The following GSKIP variants were observed in gnomAD, a reference collection of about 807,000 sequenced individuals.
GSKIP encodes GSK3B-interacting protein.
GSKIP carries 5 observed loss-of-function variants against 11.9 expected under a neutral mutation model. The ratio of observed to expected loss-of-function variants is 0.42; its 90% confidence interval spans 0.22 to 0.89. The LOEUF is 0.89. Ranked by LOEUF, GSKIP falls within the 40% of genes least tolerant of loss-of-function variation. The probability of loss-of-function intolerance (pLI) is 0.29; values close to 1 mark genes in which losing one functional copy is unlikely to be tolerated. For synonymous variants in GSKIP, 70 were observed against 62.9 expected, an observed-to-expected ratio of 1.11 and a Z score of -0.54; for missense variants, 150 against 166.6, an observed-to-expected ratio of 0.90 and a Z score of 0.55.
intron 2 of GSKIP, among the ~76,000 whole-genome samples, chr14:96,381,009 T>C (rs528629082): frequency 3.9e-5 from 6 of 152,334 alleles, no homozygotes; most frequent in African/African-American, 1.4e-4. Flanking sequence ...AGAGTTATGC[T>C]TCATTCACGA....
intron 1 of GSKIP, among the ~76,000 whole-genome samples, chr14:96,371,798 G>A (rs1045219629): frequency 5.3e-5 from 8 of 152,136 alleles, no homozygotes; most frequent in Non-Finnish European, 7.4e-5. Flanking sequence ...AACTGAAGTG[G>A]AAAGAGTTGC....
chr14:96,378,273 G>A (rs1889255546), intron 1 of GSKIP, among the ~76,000 whole-genome samples: 1 of 152,094 alleles, frequency 6.6e-6, no homozygotes, highest in African/African-American at 2.4e-5. Context: ...AGGATCATTT[G>A]AGCCTGAGAT....
intron 1 of GSKIP, among the ~76,000 whole-genome samples, chr14:96,368,560 T>G (rs552386198): frequency 1.3e-5 from 2 of 152,366 alleles, no homozygotes; most frequent in South Asian, 4.1e-4. Flanking sequence ...ACAAAAGCAC[T>G]GCTGTGGTTT....
chr14:96,384,964 A>C (rs1243905985), intron 3 of GSKIP: 1 of 152,164 alleles, frequency 6.6e-6, no homozygotes, highest in Non-Finnish European at 1.5e-5. Flanking sequence ...TAAACTATTA[A>C]ACCAATTATT....
In GSKIP at chr14:96,385,745, A is replaced by C; in HGVS notation, c.*61A>C. 7.6e-7 allele frequency: 1 copy of C among 1,315,496 alleles called. No individual in the cohort carries two copies. The highest frequency in any genetic ancestry group is 1.0e-6 in the Non-Finnish European group (1 of 958,748). The allele number at this position is 1,315,496 out of a possible 1,614,324, so 81.5% of individuals were successfully genotyped here. The stretch of plus-strand genomic sequence containing the variant: ...ACAGAATGTTGATATAAAGCTTAAA[A>C]TTCTTGCATATGGTCATAGAAAATG... On this transcript the variant is annotated 3_prime_UTR_variant, in exon 4 of 4. Transcript: ENST00000555181.
intron 1 of GSKIP, among the ~76,000 whole-genome samples, chr14:96,369,905 C>G (rs1888997714): frequency 6.6e-6 from 1 of 152,098 alleles, no homozygotes; most frequent in South Asian, 2.1e-4. Flanking sequence ...CAGTGTGCAC[C>G]CTCATCCTGG....
At chr14:96,373,229 C>CAAAAAAAAAAAAAAAAA in intron 1 of GSKIP, among the ~76,000 whole-genome samples, 1 of 82,812 alleles carries the variant, frequency 1.2e-5, no homozygotes, top group Non-Finnish European at 2.2e-5. Context: ...GACTCTGTCT[C>CAAAAAAAAAAAAAAAAA]AAAAAAAAAA....
intron 1 of GSKIP, among the ~76,000 whole-genome samples, chr14:96,370,302 G>A (rs868796483): frequency 2.6e-5 from 4 of 152,298 alleles, no homozygotes; most frequent in African/African-American, 9.6e-5. Context: ...AACAAGTTAA[G>A]ACTTGGGGAC....
Position 96,363,574 on chromosome 14 carries a change from C to T in GSKIP, c.-103+6C>T. The T allele has an allele frequency of 6.5e-6, 1 of 152,740 alleles. No individual in the cohort carries two copies. Among genetic ancestry groups the T allele is most frequent in the Non-Finnish European group, 1.5e-5 (1 of 68,310 alleles). 9.5% of individuals were successfully genotyped at this position (152,740 alleles called of 1,614,324 possible). A position where few individuals can be genotyped will look rare whatever the true frequency, so the allele number is the denominator to read the frequency against. ...AGAGGACGCCGGGCGCGCAGGTGAG[C>T]GGCAGCCGGGGTGGCTGCGGGCGAG... On this transcript the variant is annotated splice_donor_region_variant and intron_variant, in intron 1 of 3. Coordinates refer to ENST00000555181, the MANE Select transcript of GSKIP (RefSeq NM_016472.5).
intron 1 of GSKIP, among the ~76,000 whole-genome samples, chr14:96,375,967 C>G (rs1889190932): frequency 1.3e-5 from 2 of 152,350 alleles, no homozygotes; most frequent in Admixed American, 1.3e-4. Flanking sequence ...TTAATCCACT[C>G]TTTGGGTAGA....
At chr14:96,382,537 T>G in intron 3 of GSKIP, 32 bp downstream of exon 3, 1 of 1,540,088 alleles carries the variant, frequency 6.5e-7, no homozygotes, top group Non-Finnish European at 8.9e-7. Context: ...AAAAAAAAAT[T>G]ATTTATGTCT....
At chr14:96,371,029 A>C (rs1237760172) in intron 1 of GSKIP, among the ~76,000 whole-genome samples, 1 of 152,234 alleles carries the variant, frequency 6.6e-6, no homozygotes, top group Non-Finnish European at 1.5e-5. Context: ...GTGATACTAC[A>C]CATGATTCTG....
At chr14:96,365,750 C>T (rs989407403) in intron 1 of GSKIP, among the ~76,000 whole-genome samples, 1 of 151,940 alleles carries the variant, frequency 6.6e-6, no homozygotes, top group African/African-American at 2.4e-5. Flanking sequence ...AGGAGAATTG[C>T]TTGAACCCGA....
At chr14:96,382,696 CAG>C (rs1401659511) in intron 3 of GSKIP, among the ~76,000 whole-genome samples, 191 bp downstream of exon 3, 1 of 152,002 alleles carries the variant, frequency 6.6e-6, no homozygotes, top group African/African-American at 2.4e-5. Flanking sequence ...TATGGGGAAA[CAG>C]AATTTTTTTG....
In GSKIP at chr14:96,385,761, A is replaced by T; in HGVS notation, c.*77A>T. The T allele has an allele frequency of 8.8e-7, 1 of 1,138,622 alleles. No homozygotes were observed. The allele number at this position is 1,138,622 out of a possible 1,614,324, so 70.5% of individuals were successfully genotyped here. ...AAGCTTAAAATTCTTGCATATGGTC[A>T]TAGAAAATGCATCTTTGGTTTTGTG... On this transcript the variant is annotated 3_prime_UTR_variant, in exon 4 of 4. Coordinates refer to ENST00000555181, the MANE Select transcript of GSKIP (RefSeq NM_016472.5).
In GSKIP at chr14:96,382,228, C is replaced by CTTTT; in HGVS notation, c.-1-8_-1-5dup. On this transcript the variant is annotated intron_variant, in intron 2 of 3. Coordinates refer to ENST00000555181, the MANE Select transcript of GSKIP (RefSeq NM_016472.5). Reference sequence around the variant, plus strand: ...TTTCTATAAACAAATTTTATAACTGCTTTTTTTTTTTTTTACAGAATGGAA... The same window carrying CTTTT: ...TTTCTATAAACAAATTTTATAACTGCTTTTTTTTTTTTTTTTTTACAGAATGGAA... The CTTTT allele has an allele frequency of 3.6e-6, 5 of 1,375,916 alleles. No individual in the cohort carries two copies. The highest frequency in any genetic ancestry group is 2.8e-5 in the South Asian group (2 of 72,328). 85.2% of individuals were successfully genotyped at this position (1,375,916 alleles called of 1,614,324 possible).
intron 1 of GSKIP, among the ~76,000 whole-genome samples, chr14:96,377,069 T>A (rs973081271): frequency 1.3e-5 from 2 of 152,234 alleles, no homozygotes; most frequent in Non-Finnish European, 2.9e-5. Flanking sequence ...ACTCTGCTTA[T>A]TATATTATCT....
chr14:96,385,774 C>T lies in GSKIP; in HGVS notation c.*90C>T. Reference sequence around the variant, plus strand: ...TTGCATATGGTCATAGAAAATGCATCTTTGGTTTTGTGTTTTTATCACTTG... The same window carrying T: ...TTGCATATGGTCATAGAAAATGCATTTTTGGTTTTGTGTTTTTATCACTTG... On this transcript the variant is annotated 3_prime_UTR_variant, in exon 4 of 4. Transcript: ENST00000555181. 9.6e-7 allele frequency: 1 copy of T among 1,039,016 alleles called. No homozygotes were observed. The highest frequency in any genetic ancestry group is 1.4e-6 in the Non-Finnish European group (1 of 728,768). 64.4% of individuals were successfully genotyped at this position (1,039,016 alleles called of 1,614,324 possible). A position where few individuals can be genotyped will look rare whatever the true frequency, so the allele number is the denominator to read the frequency against.
intron 1 of GSKIP, among the ~76,000 whole-genome samples, chr14:96,370,180 C>T (rs760446389): frequency 1.5e-4 from 23 of 152,168 alleles, no homozygotes; most frequent in Admixed American, 9.8e-4. Context: ...ATGACTTTTC[C>T]GTCATTGTGT....
Sources: gnomAD v4.1 joint callset for allele counts (sites outside exome capture counted in the v4.1 genomes callset) on GRCh38, gnomAD v4.1.1 for gene constraint, MANE v1.5 for transcripts, NCBI Gene and HGNC (gene_info 2026-07-23, HGNC 2026-07-21) for gene names.